INTS6: variants seen among roughly 807,000 people sequenced by gnomAD.
INTS6 encodes the protein integrator complex subunit 6, also known as DEAD box protein.
In INTS6, 16 loss-of-function variants were observed where a neutral mutation model predicts 104.9. The observed-to-expected ratio is 0.15, with a 90% confidence interval of 0.10 to 0.23. The LOEUF is 0.23. INTS6 is among the 10% of genes least tolerant of loss of function. INTS6 has a pLI of 1.00. For synonymous variants in INTS6, 324 were observed against 358.7 expected (o/e 0.90, Z 1.09); for missense variants, 584 against 1,062.8 (o/e 0.55, Z 6.26).
At chr13:51,406,489 A>AGG (rs1440656893) in intron 4 of INTS6, among the ~76,000 whole-genome samples, 1 of 152,074 alleles carries the variant, frequency 6.6e-6, no homozygotes, top group Non-Finnish European at 1.5e-5. Flanking sequence ...CCCCAACTGC[A>AGG]TTATATGTCA....
Position 51,375,476 on chromosome 13 carries a change from T to A in INTS6, c.1729+572A>T, listed in dbSNP as rs1186186791. ...TGTAGAAAATGGAAGTACAGTATGG[T>A]AAAAAAAAAAAAAAGTCGCATAGCT... On this transcript the variant is annotated intron_variant, in intron 13 of 17. Transcript: ENST00000311234. Among the ~76,000 whole-genome samples the A allele has an allele frequency of 8.8e-3, 1,290 of 146,432 alleles. 19 individuals are homozygous for A. The highest frequency in any genetic ancestry group is 0.03 in the African/African-American group (1,192 of 39,920).
the INTS6 span, among the ~76,000 whole-genome samples, chr13:51,345,363 G>A: frequency 3.3e-5 from 5 of 152,104 alleles, no homozygotes; most frequent in African/African-American, 9.7e-5. Context: ...GGGATGCCAA[G>A]GCGGGCAGAT....
intron 3 of INTS6, among the ~76,000 whole-genome samples, chr13:51,432,331 TTTTAA>T (rs901992159): frequency 5.3e-5 from 8 of 152,144 alleles, no homozygotes; most frequent in Admixed American, 1.3e-4. Context: ...TTCAAATAAT[TTTTAA>T]TTTAAATATG....
At chr13:51,358,675 T>C (rs1321106346), downstream of INTS6, among the ~76,000 whole-genome samples, 1 of 152,118 alleles carries the variant, frequency 6.6e-6, no homozygotes, top group African/African-American at 2.4e-5. Flanking sequence ...CAAAGAAATA[T>C]TTAAAATGAT....
At chr13:51,365,936 G>A (rs1263864557) in intron 17 of INTS6, 91 bp from the exon 18 acceptor site, 10 of 643,726 alleles carry the variant, frequency 1.6e-5, no homozygotes, top group South Asian at 2.8e-5. Flanking sequence ...GAAAATTTTG[G>A]GAAGATTTTT....
intron 4 of INTS6, among the ~76,000 whole-genome samples, chr13:51,404,293 TAA>T (rs55785764): frequency 2.8e-3 from 295 of 106,584 alleles, no homozygotes; most frequent in African/African-American, 8.6e-3. Context: ...AAGCAAAAAC[TAA>T]AAAAAAAAAA....
the INTS6 span, chr13:51,347,017 G>C: frequency 2.6e-6 from 4 of 1,566,978 alleles, no homozygotes; most frequent in Non-Finnish European, 3.5e-6. Flanking sequence ...TTGCTTTCCT[G>C]CTTGCAGGTG....
At chr13:51,441,734 T>C (rs573151847) in intron 3 of INTS6, 7 of 152,202 alleles carry the variant, frequency 4.6e-5, no homozygotes, top group African/African-American at 7.2e-5. Context: ...TAAATACTTA[T>C]GTATGTTATT....
chr13:51,351,366 T>C (rs1472547719), downstream of INTS6, among the ~76,000 whole-genome samples: 1 of 152,168 alleles, frequency 6.6e-6, no homozygotes, highest in Non-Finnish European at 1.5e-5. Flanking sequence ...TAGTATCTCA[T>C]TGTGGACTTC....
chr13:51,415,904 G>A (rs1956779249), intron 4 of INTS6, among the ~76,000 whole-genome samples: 1 of 152,026 alleles, frequency 6.6e-6, no homozygotes, highest in African/African-American at 2.4e-5. Context: ...AACACTCAGG[G>A]ACAGGCAAAT....
chr13:51,344,266 G>T, the INTS6 span: 36 of 1,613,846 alleles, frequency 2.2e-5, no homozygotes, highest in South Asian at 3.3e-4. Flanking sequence ...AAGGGTGAAA[G>T]ATTTCTTGCA....
At chr13:51,381,331 G>C (rs1170811482) in intron 10 of INTS6, among the ~76,000 whole-genome samples, 4 of 152,160 alleles carry the variant, frequency 2.6e-5, no homozygotes, top group Non-Finnish European at 4.4e-5. Context: ...ATCTAAGCCA[G>C]ACTGAATTTC....
intron 4 of INTS6, among the ~76,000 whole-genome samples, chr13:51,396,273 G>C (rs754899549): frequency 2.0e-5 from 3 of 152,094 alleles, no homozygotes; most frequent in Non-Finnish European, 4.4e-5. Flanking sequence ...ATTTGTAGAA[G>C]AGTAAATTTT....
In INTS6 at chr13:51,452,790, C is replaced by A; in HGVS notation, c.-265G>T. The A allele has an allele frequency of 8.3e-7, 1 of 1,202,726 alleles. No individual in the cohort carries two copies. The allele number at this position is 1,202,726 out of a possible 1,614,324, so 74.5% of individuals were successfully genotyped here. On this transcript the variant is annotated 5_prime_UTR_variant, in exon 1 of 18. Transcript: ENST00000311234. The surrounding 1 kb of genome is among the most constrained non-coding windows in gnomAD (Gnocchi z 4.2). The stretch of plus-strand genomic sequence containing the variant: ...CCCGCTGGGGCGGGCGCCCAGCCGT[C>A]TGTCTGTCGGTTCGTCCCCCCCGCC...
intron 4 of INTS6, among the ~76,000 whole-genome samples, chr13:51,422,577 A>G (rs754411483): frequency 3.3e-4 from 50 of 152,218 alleles, no homozygotes; most frequent in Admixed American, 1.0e-3. Context: ...GGCATTCCCC[A>G]TATCTTCTAG....
intron 3 of INTS6, chr13:51,437,341 G>A (rs1180229841): frequency 2.0e-5 from 3 of 152,124 alleles, no homozygotes; most frequent in East Asian, 1.9e-4. Context: ...CTTGAACTCA[G>A]CACTGAACTC....
intron 4 of INTS6, among the ~76,000 whole-genome samples, chr13:51,406,297 C>T (rs773655229): frequency 4.6e-5 from 7 of 152,126 alleles, no homozygotes; most frequent in Admixed American, 1.3e-4. Context: ...ATGACACACC[C>T]CCCTGAATGG....
At chr13:51,450,574 G>A (rs1341474166) in intron 3 of INTS6, 4 of 985,376 alleles carry the variant, frequency 4.1e-6, no homozygotes, top group African/African-American at 1.7e-5. Context: ...TTACCTTTCA[G>A]AATAGTTATA....
chr13:51,447,261 C>T (rs1253567123), intron 3 of INTS6: 1 of 152,088 alleles, frequency 6.6e-6, no homozygotes, highest in Non-Finnish European at 1.5e-5. Flanking sequence ...ATGGAGTTCT[C>T]ACTACTTCAC....
Sources: gnomAD v4.1 joint callset for allele counts (sites outside exome capture counted in the v4.1 genomes callset) on GRCh38, gnomAD v4.1.1 for gene constraint, Gnocchi (gnomAD v3.1) non-coding constraint, MANE v1.5 for transcripts, NCBI Gene and HGNC (gene_info 2026-07-23, HGNC 2026-07-21) for gene names.